ADARB2: variants seen among roughly 807,000 people sequenced by gnomAD.
ADARB2 encodes adenosine deaminase RNA specific B2 (inactive), also known as inactive double-stranded RNA-specific editase B2.
In ADARB2, 25 loss-of-function variants were observed where a neutral mutation model predicts 62.2. That is an observed-to-expected ratio of 0.40 (90% CI 0.29 to 0.56). The LOEUF (loss-of-function observed/expected upper bound fraction) is 0.56, where lower values mean the gene tolerates loss of function less well. Ranked by LOEUF, ADARB2 falls within the 20% of genes least tolerant of loss-of-function variation. The probability of loss-of-function intolerance (pLI) is 0.43; values close to 1 mark genes in which losing one functional copy is unlikely to be tolerated. For missense variants in ADARB2, 1,071 were observed against 1,077.4 expected (o/e 0.99, Z 0.08); for synonymous variants, 572 against 500.8 (o/e 1.14, Z -1.90).
intron 1 of ADARB2, among the ~76,000 whole-genome samples, chr10:1,671,888 T>TGG (rs369808591): frequency 5.3e-5 from 8 of 151,814 alleles, no homozygotes; most frequent in African/African-American, 1.7e-4. Context: ...TCACTTGCAC[T>TGG]GGGGGGGAGT....
At chr10:1,360,648 G>T (rs6560727) in intron 3 of ADARB2, among the ~76,000 whole-genome samples, 12,393 of 152,274 alleles carry the variant, frequency 0.081, 1,634 homozygotes, top group African/African-American at 0.28. Flanking sequence ...AGCTGTGGGT[G>T]TGCATGGGGA....
chr10:1,442,877 G>A (rs994306229), intron 1 of ADARB2, among the ~76,000 whole-genome samples: 2 of 151,882 alleles, frequency 1.3e-5, no homozygotes, highest in African/African-American at 4.8e-5. Context: ...ATGGACAAGA[G>A]GAAAAACAAA....
At chr10:1,334,450 T>C (rs1831955867) in intron 3 of ADARB2, among the ~76,000 whole-genome samples, 1 of 152,132 alleles carries the variant, frequency 6.6e-6, no homozygotes, top group Non-Finnish European at 1.5e-5. Context: ...TCTCCACACG[T>C]GGGTGCACAC....
At chr10:1,675,270 GT>G (rs1834451249) in intron 1 of ADARB2, 2 of 982,228 alleles carry the variant, frequency 2.0e-6, no homozygotes. Context: ...TGTTCTGGAG[GT>G]TTGGGTTCAG....
At chr10:1,302,946 C>T (rs1831588905) in intron 3 of ADARB2, among the ~76,000 whole-genome samples, 1 of 152,152 alleles carries the variant, frequency 6.6e-6, no homozygotes, top group Non-Finnish European at 1.5e-5. Flanking sequence ...AACAGAAAAA[C>T]TGGAAACTCT....
intron 1 of ADARB2, among the ~76,000 whole-genome samples, chr10:1,690,162 G>A (rs1040010893): frequency 2.6e-5 from 4 of 152,196 alleles, no homozygotes; most frequent in African/African-American, 7.2e-5. Context: ...TTTCCATTGC[G>A]AATTTGCAGC....
chr10:1,553,741 A>G (rs531518520), intron 1 of ADARB2, among the ~76,000 whole-genome samples: 18 of 152,292 alleles, frequency 1.2e-4, no homozygotes, highest in Admixed American at 1.0e-3. Context: ...AAGAATAAAG[A>G]AGGCGTTTGG....
chr10:1,632,647 G>A (rs950285113), intron 1 of ADARB2, among the ~76,000 whole-genome samples: 13 of 152,318 alleles, frequency 8.5e-5, no homozygotes, highest in South Asian at 8.3e-4. Flanking sequence ...GCCCTGAGAA[G>A]TCAAGGACTG....
chr10:1,277,961 CTCTCTCTCT>C (rs1438171962), intron 3 of ADARB2, among the ~76,000 whole-genome samples: 1 of 79,434 alleles, frequency 1.3e-5, no homozygotes, highest in African/African-American at 3.2e-5. Flanking sequence ...TCCCCTCTTT[CTCTCTCTCT>C]TTCTTTTTTT....
chr10:1,192,796 T>C (rs1836860313), intron 8 of ADARB2, among the ~76,000 whole-genome samples: 1 of 152,064 alleles, frequency 6.6e-6, no homozygotes, highest in African/African-American at 2.4e-5. Flanking sequence ...AAAAAAAAAT[T>C]AGCCAGCCTG....
At position 1,199,518 on chromosome 10, in the gene ADARB2, C is replaced by G. The variant is rs143605216; in HGVS notation, c.1864+448G>C. 1.3e-4 allele frequency: 20 copies of G among 158,468 alleles called. No individual in the cohort carries two copies. The South Asian group carries it at 2.9e-3, about 23-fold the overall frequency. 9.8% of individuals were successfully genotyped at this position (158,468 alleles called of 1,614,324 possible). A position where few individuals can be genotyped will look rare whatever the true frequency, so the allele number is the denominator to read the frequency against. On this transcript the variant is annotated intron_variant, in intron 8 of 9. Coordinates refer to ENST00000381312, the MANE Select transcript of ADARB2 (RefSeq NM_018702.4). ...CAGCCTCTGGAGGGTGTGGAGGGCCCGGGGCCCTGGGTTCCGAAGACCCGC... is the reference window on the plus strand; with the variant it reads ...CAGCCTCTGGAGGGTGTGGAGGGCCGGGGGCCCTGGGTTCCGAAGACCCGC...
At chr10:1,677,526 C>T (rs1245872008) in intron 1 of ADARB2, among the ~76,000 whole-genome samples, 1 of 152,012 alleles carries the variant, frequency 6.6e-6, no homozygotes, top group Non-Finnish European at 1.5e-5. Flanking sequence ...AACAATGGGA[C>T]CTCCTAGGAA....
intron 1 of ADARB2, among the ~76,000 whole-genome samples, chr10:1,580,710 C>G (rs936420367): frequency 6.8e-6 from 1 of 148,078 alleles, no homozygotes; most frequent in African/African-American, 2.4e-5. Flanking sequence ...ATTGGAACAT[C>G]ACACAGAGCA....
At position 1,249,648 on chromosome 10, in the gene ADARB2, G is replaced by T. The variant is rs564406560; in HGVS notation, c.1193-7349C>A. Reference sequence around the variant, plus strand: ...CACACACACACACACACATACACACGAGTATCATGCTCTATGGGGAAGCAC... The same window carrying T: ...CACACACACACACACACATACACACTAGTATCATGCTCTATGGGGAAGCAC... On this transcript the variant is annotated intron_variant, in intron 4 of 9. Coordinates refer to ENST00000381312, the MANE Select transcript of ADARB2 (RefSeq NM_018702.4). Among the ~76,000 whole-genome samples the T allele has an allele frequency of 8.6e-5, 13 of 150,324 alleles. No individual in the cohort carries two copies. In the East Asian group the frequency reaches 2.5e-3, roughly 29 times the overall value.
At chr10:1,302,005 A>G (rs1831577627) in intron 3 of ADARB2, among the ~76,000 whole-genome samples, 1 of 152,162 alleles carries the variant, frequency 6.6e-6, no homozygotes, top group Non-Finnish European at 1.5e-5. Flanking sequence ...TATAAAATGT[A>G]TCTCCCATCT....
chr10:1,596,360 T>C (rs1028498348), intron 1 of ADARB2, among the ~76,000 whole-genome samples: 1 of 152,196 alleles, frequency 6.6e-6, no homozygotes, highest in Admixed American at 6.5e-5. Flanking sequence ...AAAGAAAATC[T>C]TCCATGAAGA....
rs142759232 is a variant in ADARB2 at position 1,211,738 on chromosome 10, C to T, written c.1682+5213G>A. Among the ~76,000 whole-genome samples the T allele has an allele frequency of 4.3e-4, 65 of 152,222 alleles. No individual in the cohort carries two copies. In the East Asian group the frequency reaches 0.011, roughly 25 times the overall value. ...GAGGTCACTGAGCAGGTTTGGGCAG[C>T]GATGAAGGGGTTTGGAAAACAGCAG... On this transcript the variant is annotated intron_variant, in intron 7 of 9. Transcript: ENST00000381312.
chr10:1,465,431 C>T (rs991172655), intron 1 of ADARB2, among the ~76,000 whole-genome samples: 2 of 152,210 alleles, frequency 1.3e-5, no homozygotes, highest in Non-Finnish European at 2.9e-5. Flanking sequence ...TGGAAAACAT[C>T]GAAGGAGTGC....
chr10:1,669,799 C>T (rs775031527), intron 1 of ADARB2, among the ~76,000 whole-genome samples: 11 of 151,890 alleles, frequency 7.2e-5, no homozygotes, highest in Non-Finnish European at 1.2e-4. Flanking sequence ...GACACAGTCA[C>T]AGAGACAAAC....
Sources: allele counts gnomAD v4.1 joint callset (sites outside exome capture counted in the v4.1 genomes callset), GRCh38; gene constraint gnomAD v4.1.1; transcripts MANE v1.5; gene names NCBI Gene and HGNC (gene_info 2026-07-23, HGNC 2026-07-21).